ERCC6L2: variants seen among roughly 807,000 people sequenced by gnomAD.
ERCC6L2 encodes the protein ERCC excision repair 6 like 2.
A neutral mutation model predicts 132.0 loss-of-function variants in ERCC6L2; 77 were observed. That is an observed-to-expected ratio of 0.58 (90% CI 0.49 to 0.71). The LOEUF (loss-of-function observed/expected upper bound fraction) is 0.71, where lower values mean the gene tolerates loss of function less well. ERCC6L2 is among the 30% of genes least tolerant of loss of function. The pLI is 0.00. For synonymous variants in ERCC6L2, 583 were observed against 632.4 expected (o/e 0.92, Z 1.17); for missense variants, 1,542 against 1,837.6 (o/e 0.84, Z 2.94).
intron 17 of ERCC6L2, among the ~76,000 whole-genome samples, chr9:95,979,809 G>A (rs1389436483): frequency 1.3e-5 from 2 of 152,060 alleles, no homozygotes; most frequent in African/African-American, 2.4e-5. Flanking sequence ...GAATTATGTT[G>A]GGTTTTCCAG....
At chr9:95,961,805 A>G (rs567018466) in intron 13 of ERCC6L2, among the ~76,000 whole-genome samples, 1 of 152,290 alleles carries the variant, frequency 6.6e-6, no homozygotes, top group South Asian at 2.1e-4. Flanking sequence ...ACAGTTCTGC[A>G]TGGCTGGGGA....
chr9:96,021,564 G>C (rs1834290516), downstream of ERCC6L2: 1 of 168,066 alleles, frequency 6.0e-6, no homozygotes. The surrounding 1 kb of genome is among the most constrained non-coding windows in gnomAD (Gnocchi z 4.7). Flanking sequence ...GCGATGGGCC[G>C]AGTGCCTCCT....
chr9:95,979,993 T>G (rs1318660728), intron 17 of ERCC6L2, among the ~76,000 whole-genome samples: 1 of 152,230 alleles, frequency 6.6e-6, no homozygotes, highest in East Asian at 1.9e-4. Context: ...TGGATGTTAA[T>G]GAAATAACTG....
chr9:95,962,836 A>G (rs1367509133), intron 13 of ERCC6L2, among the ~76,000 whole-genome samples: 1 of 152,172 alleles, frequency 6.6e-6, no homozygotes, highest in Non-Finnish European at 1.5e-5. Flanking sequence ...TTCAACTTAC[A>G]ATGGGTTTAT....
At position 95,899,214 on chromosome 9, in the gene ERCC6L2, C is replaced by T. The variant is rs116592960; in HGVS notation, c.594+1243C>T. ...CCTGTAATCCCAGTACTTTGGGAGGCCAAGGAAGGCGAATTGCTTGAGCCC... is the reference window on the plus strand; with the variant it reads ...CCTGTAATCCCAGTACTTTGGGAGGTCAAGGAAGGCGAATTGCTTGAGCCC... On this transcript the variant is annotated intron_variant, in intron 3 of 18. Transcript: ENST00000653738. 4.1e-3 allele frequency among the ~76,000 whole-genome samples: 621 copies of T among 152,128 alleles called. 7 individuals are homozygous for T. The highest frequency in any genetic ancestry group is 0.014 in the African/African-American group (592 of 41,472).
chr9:95,904,351 TATTC>T (rs967592785), intron 3 of ERCC6L2, among the ~76,000 whole-genome samples: 9 of 152,154 alleles, frequency 5.9e-5, no homozygotes, highest in African/African-American at 9.6e-5. Flanking sequence ...TGGTTTCATG[TATTC>T]ATTCATCAAT....
At chr9:95,903,209 G>A (rs1645112653) in intron 3 of ERCC6L2, among the ~76,000 whole-genome samples, 1 of 151,874 alleles carries the variant, frequency 6.6e-6, no homozygotes, top group African/African-American at 2.4e-5. Context: ...AATGTCATTT[G>A]TTGAGTAAGC....
At chr9:95,881,370 A>G (rs1827583681) in intron 2 of ERCC6L2, 77 bp downstream of exon 2, 2 of 1,134,348 alleles carry the variant, frequency 1.8e-6, no homozygotes, top group Non-Finnish European at 2.4e-6. Context: ...CTTTATTTGT[A>G]CTGCTGTTAC....
At chr9:95,966,417 G>A (rs1219294471) in intron 13 of ERCC6L2, 145 bp from the exon 14 acceptor site, 1 of 529,442 alleles carries the variant, frequency 1.9e-6, no homozygotes, top group African/African-American at 2.0e-5. Flanking sequence ...GGCAACATCT[G>A]CCAGGGAAAT....
At chr9:95,941,694 T>A (rs760696987) in intron 12 of ERCC6L2, 145 bp downstream of exon 12, 53 of 613,592 alleles carry the variant, frequency 8.6e-5, no homozygotes, top group Non-Finnish European at 1.5e-4. Flanking sequence ...AATCCTGACC[T>A]TCTCAATCCA....
rs1436344878 is a variant in ERCC6L2 at position 96,017,291 on chromosome 9, T to C, written c.*4088T>C. Reference sequence around the variant, plus strand: ...GCAGGAGGGAAGAACATCTCACTTTTGCTTGGCTAAAGGGCCACCCCAGGA... The same window carrying C: ...GCAGGAGGGAAGAACATCTCACTTTCGCTTGGCTAAAGGGCCACCCCAGGA... On this transcript the variant is annotated 3_prime_UTR_variant, in exon 19 of 19. Coordinates refer to ENST00000653738, the MANE Select transcript of ERCC6L2 (RefSeq NM_020207.7). 6.6e-6 allele frequency among the ~76,000 whole-genome samples: 1 copy of C among 152,166 alleles called. No individual in the cohort carries two copies. The highest frequency in any genetic ancestry group is 2.4e-5 in the African/African-American group (1 of 41,438).
intron 1 of ERCC6L2, among the ~76,000 whole-genome samples, chr9:95,878,968 T>C (rs1827444254): frequency 6.6e-6 from 1 of 152,120 alleles, no homozygotes; most frequent in Admixed American, 6.5e-5. Context: ...TAAACATACG[T>C]GTGCATGTGT....
Position 95,875,729 on chromosome 9 carries a change from C to G in ERCC6L2, c.-310C>G, listed in dbSNP as rs1827211172. 2.2e-6 allele frequency: 1 copy of G among 457,722 alleles called. No individual in the cohort carries two copies. The highest frequency in any genetic ancestry group is 3.7e-5 in the Admixed American group (1 of 27,054). The allele number at this position is 457,722 out of a possible 1,614,324, so 28.4% of individuals were successfully genotyped here. A position where few individuals can be genotyped will look rare whatever the true frequency, so the allele number is the denominator to read the frequency against. On this transcript the variant is annotated 5_prime_UTR_variant, in exon 1 of 19. Coordinates refer to ENST00000653738, the MANE Select transcript of ERCC6L2 (RefSeq NM_020207.7). ...ATTTGGGGGTCGCCTTGCCGGCCTCCTGTCCTCCTCCGGCGGCGGCGGAGC... is the reference window on the plus strand; with the variant it reads ...ATTTGGGGGTCGCCTTGCCGGCCTCGTGTCCTCCTCCGGCGGCGGCGGAGC...
chr9:96,029,131 C>T (rs539338571), intron 19 of ERCC6L2, among the ~76,000 whole-genome samples: 203 of 151,618 alleles, frequency 1.3e-3, no homozygotes, highest in African/African-American at 4.4e-3. Flanking sequence ...GGTGAAACCC[C>T]GTCTCTACTA....
chr9:96,009,093 C>G (rs1350279871), intron 18 of ERCC6L2, among the ~76,000 whole-genome samples: 1 of 152,218 alleles, frequency 6.6e-6, no homozygotes, highest in Non-Finnish European at 1.5e-5. Flanking sequence ...TCAGATGTTG[C>G]AATCAGCATT....
At chr9:95,973,552 C>T (rs543418627) in intron 16 of ERCC6L2, among the ~76,000 whole-genome samples, 1 of 152,132 alleles carries the variant, frequency 6.6e-6, no homozygotes, top group Non-Finnish European at 1.5e-5. Flanking sequence ...TCATGTCTTA[C>T]ATGGATGGTG....
At chr9:96,022,408 C>T (rs1004480422), downstream of ERCC6L2, among the ~76,000 whole-genome samples, 1 of 152,198 alleles carries the variant, frequency 6.6e-6, no homozygotes, top group African/African-American at 2.4e-5. Context: ...TTGTTAAACA[C>T]TTCCAGTGGA....
At chr9:95,971,069 A>T (rs1832389179) in intron 15 of ERCC6L2, among the ~76,000 whole-genome samples, 1 of 152,160 alleles carries the variant, frequency 6.6e-6, no homozygotes, top group South Asian at 2.1e-4. Context: ...TAATTTTGTG[A>T]TCTTTTTAGT....
chr9:96,027,484 T>A (rs1256941248), intron 19 of ERCC6L2, among the ~76,000 whole-genome samples: 1 of 152,078 alleles, frequency 6.6e-6, no homozygotes, highest in Non-Finnish European at 1.5e-5. Context: ...CCCGGCTCAG[T>A]CACCCGCCCT....
Sources: allele counts gnomAD v4.1 joint callset (sites outside exome capture counted in the v4.1 genomes callset), GRCh38; gene constraint gnomAD v4.1.1; non-coding constraint Gnocchi (gnomAD v3.1); transcripts MANE v1.5; gene names NCBI Gene and HGNC (gene_info 2026-07-23, HGNC 2026-07-21).